The following DLEC1 variants were observed in gnomAD, a reference collection of about 807,000 sequenced individuals.
DLEC1 encodes DLEC1 cilia and flagella associated protein, also known as deleted in lung and esophageal cancer protein 1.
In DLEC1, 146 loss-of-function variants were observed where a neutral mutation model predicts 198.1. That is an observed-to-expected ratio of 0.74 (90% CI 0.64 to 0.85). The LOEUF (loss-of-function observed/expected upper bound fraction) is 0.85, where lower values mean the gene tolerates loss of function less well. Among genes scored for constraint, DLEC1 ranks in the 40% least tolerant of loss-of-function variants. The pLI is 0.00. For synonymous variants in DLEC1, 897 were observed against 866.8 expected (o/e 1.03, Z -0.61); for missense variants, 2,233 against 2,220.0 (o/e 1.01, Z -0.12).
At chr3:38,080,779 C>T (rs995763752) in intron 6 of DLEC1, among the ~76,000 whole-genome samples, 4 of 143,698 alleles carry the variant, frequency 2.8e-5, no homozygotes, top group South Asian at 2.2e-4. Flanking sequence ...CGTAGAGACA[C>T]GGAGGGAAGG....
chr3:38,117,095 A>C lies in DLEC1; in HGVS notation c.4300A>C (p.Ser1434Arg), dbSNP rs780382415. ...CGCCCTGGGTTTCATGAGCTTGGAC[A>C]GCAAGGTGAGCTCTTCCGGCCTGGG... Reference protein sequence around the residue: ...GYALGFMSLDSKVEREIPGKR... With the variant: ...GYALGFMSLDRKVEREIPGKR... The change falls in exon 30 of 37, where the codon AGC becomes CGC. Residue 1434 changes from serine to arginine, a missense_variant. Transcript: ENST00000308059. The C allele has an allele frequency of 2.9e-5, 47 of 1,613,942 alleles. No homozygotes were observed. Among genetic ancestry groups the C allele is most frequent in the Non-Finnish European group, 3.9e-5 (46 of 1,179,966 alleles).
At chr3:38,081,432 GCCGGGCGGGGGGCTGA>G (rs1181948368) in intron 6 of DLEC1, among the ~76,000 whole-genome samples, 2 of 104,500 alleles carry the variant, frequency 1.9e-5, no homozygotes, top group Admixed American at 1.9e-4. Context: ...GGGGCGGCTG[GCCGGGCGGGGGGCTGA>G]CCCCCCAACC....
At chr3:38,082,646 T>A (rs1698112863) in intron 6 of DLEC1, among the ~76,000 whole-genome samples, 2 of 147,462 alleles carry the variant, frequency 1.4e-5, no homozygotes, top group Non-Finnish European at 3.0e-5. Context: ...GGAGAAGGGG[T>A]TGAGGGGTAC....
At position 38,100,404 on chromosome 3, in the gene DLEC1, A is replaced by T; in HGVS notation, c.2843A>T (p.Glu948Val). ...CQHLETVLEL[E>V]VENGAWSYLP... ...CATCTGGAGACCGTCCTGGAGCTGG[A>T]GGTGGAAAATGGTGCCTGGAGGTAA... is the stretch of plus-strand genomic sequence containing the variant. Residue 948 changes from glutamate to valine, a missense_variant, in exon 19 of 37, where the codon GAG becomes GTG. By Grantham distance (121) the Glu-to-Val change is moderately radical. Coordinates refer to ENST00000308059, the MANE Select transcript of DLEC1 (RefSeq NM_007335.4). 6.2e-7 allele frequency: 1 copy of T among 1,613,138 alleles called. No individual in the cohort carries two copies. Among genetic ancestry groups the T allele is most frequent in the South Asian group, 1.1e-5 (1 of 90,934 alleles).
intron 14 of DLEC1, among the ~76,000 whole-genome samples, 173 bp from the exon 15 acceptor site, chr3:38,096,396 G>A (rs935958150): frequency 6.6e-6 from 1 of 152,186 alleles, no homozygotes; most frequent in Non-Finnish European, 1.5e-5. Flanking sequence ...CACAGCCATC[G>A]GTGCTTATCA....
intron 2 of DLEC1, among the ~76,000 whole-genome samples, chr3:38,046,545 G>A (rs1045736065): frequency 1.3e-5 from 2 of 152,166 alleles, no homozygotes; most frequent in African/African-American, 2.4e-5. Flanking sequence ...ATGTGGAACT[G>A]TGAGTCCATT....
intron 19 of DLEC1, among the ~76,000 whole-genome samples, chr3:38,102,135 A>G (rs1407596857): frequency 1.3e-5 from 2 of 151,740 alleles, no homozygotes; most frequent in Non-Finnish European, 2.9e-5. Flanking sequence ...CCCAGCCCCA[A>G]CCCATCTACT....
chr3:38,109,895 G>A (rs1388205774), intron 22 of DLEC1: 17 of 703,754 alleles, frequency 2.4e-5, no homozygotes, highest in South Asian at 1.2e-4. Flanking sequence ...GGCCAGGGAC[G>A]GTTTGTGCAG....
chr3:38,084,560 A>AATAGTAGTGGTG (rs1698319236), intron 7 of DLEC1, among the ~76,000 whole-genome samples: 2 of 1,100 alleles, frequency 1.8e-3, no homozygotes. Context: ...TGGTAGTAGT[A>AATAGTAGTGGTG]GTGGTAGTAG....
Position 38,122,445 on chromosome 3 carries a change from G to T in DLEC1, c.*33G>T, listed in dbSNP as rs776189181. The T allele has an allele frequency of 4.3e-6, 7 of 1,614,098 alleles. No homozygotes were observed. In the South Asian group the frequency reaches 6.6e-5, roughly 15 times the overall value. ...CCCCAGCCCTCAGCCCCAGGCCCCA[G>T]CTGGAGAAAAAACATTGCCCAGGGA... On this transcript the variant is annotated 3_prime_UTR_variant, in exon 37 of 37. Transcript: ENST00000308059.
At chr3:38,063,120 A>C (rs1559407465) in intron 5 of DLEC1, among the ~76,000 whole-genome samples, 2 of 152,224 alleles carry the variant, frequency 1.3e-5, no homozygotes, top group Non-Finnish European at 1.5e-5. Context: ...ACAGCATTTG[A>C]AATTTGATTG....
intron 7 of DLEC1, among the ~76,000 whole-genome samples, 177 bp downstream of exon 7, chr3:38,084,422 G>GGTAGTAGTA: frequency 1.2e-5 from 1 of 84,564 alleles, no homozygotes; most frequent in Non-Finnish European, 2.4e-5. Context: ...TAGTAGTAGT[G>GGTAGTAGTA]GTAGTAGTAG....
intron 6 of DLEC1, among the ~76,000 whole-genome samples, chr3:38,082,688 T>C (rs553947413): frequency 6.8e-6 from 1 of 147,270 alleles, no homozygotes; most frequent in South Asian, 2.2e-4. Flanking sequence ...AGAGAAGGGG[T>C]AGAGACTCAG....
intron 19 of DLEC1, 69 bp downstream of exon 19, chr3:38,100,494 A>G (rs1275551871): frequency 3.9e-5 from 56 of 1,439,882 alleles, no homozygotes; most frequent in Non-Finnish European, 5.0e-5. Flanking sequence ...TCTATATTAT[A>G]TATTTATCTA....
Position 38,096,727 on chromosome 3 carries a change from A to G in DLEC1, c.2330A>G (p.Lys777Arg). The G allele has an allele frequency of 6.2e-7, 1 of 1,608,616 alleles. No homozygotes were observed. Among genetic ancestry groups the G allele is most frequent in the Non-Finnish European group, 8.5e-7 (1 of 1,177,748 alleles). The change falls in exon 15 of 37, where the codon AAG becomes AGG. Residue 777 changes from lysine to arginine, a missense_variant. Transcript: ENST00000308059. ...GENYIGINVKKAFKMWNNSKS... is the reference protein window; with the variant it reads ...GENYIGINVKRAFKMWNNSKS... ...AACTACATTGGGATAAATGTGAAGA[A>G]GGCTTTTAAGGTAGGTCATTGTCTC...
At chr3:38,097,315 G>T in intron 16 of DLEC1, 40 bp downstream of exon 16, 1 of 1,554,172 alleles carries the variant, frequency 6.4e-7, no homozygotes. Flanking sequence ...ACCTGCCTGG[G>T]GCTGGCTCAG....
At chr3:38,063,718 G>T (rs1696822806) in intron 5 of DLEC1, 123 bp from the exon 6 acceptor site, 2 of 699,600 alleles carry the variant, frequency 2.9e-6, no homozygotes, top group Non-Finnish European at 2.5e-6. Flanking sequence ...CCAACAAATG[G>T]TATATTGTGA....
chr3:38,097,531 A>T lies in DLEC1; in HGVS notation c.2459A>T (p.Glu820Val), dbSNP rs572547570. Residue 820 changes from glutamate to valine, a missense_variant, in exon 17 of 37, where the codon GAG becomes GTG. By Grantham distance (121) the Glu-to-Val change is moderately radical (BLOSUM62 -2). Coordinates refer to ENST00000308059, the MANE Select transcript of DLEC1 (RefSeq NM_007335.4). ...VIEPSEVGDF[E>V]LNFTGGVPGP... Reference sequence around the variant, plus strand: ...GAGCCCAGTGAGGTCGGGGATTTTGAGTTGAACTTTACTGGGGGTGTCCCT... The same window carrying T: ...GAGCCCAGTGAGGTCGGGGATTTTGTGTTGAACTTTACTGGGGGTGTCCCT... The T allele has an allele frequency of 1.9e-6, 3 of 1,614,046 alleles. No homozygotes were observed. In the South Asian group the frequency reaches 3.3e-5, roughly 18 times the overall value.
intron 10 of DLEC1, among the ~76,000 whole-genome samples, chr3:38,090,631 C>G (rs1698694794): frequency 6.6e-6 from 1 of 152,150 alleles, no homozygotes; most frequent in Non-Finnish European, 1.5e-5. Flanking sequence ...GGATACAGTC[C>G]TTGAAGTAGA....
Sources: allele counts gnomAD v4.1 joint callset (sites outside exome capture counted in the v4.1 genomes callset), GRCh38; gene constraint gnomAD v4.1.1; transcripts MANE v1.5; gene names NCBI Gene and HGNC (gene_info 2026-07-23, HGNC 2026-07-21).